Variants in GTF2I observed in about 807,000 individuals in gnomAD.
The protein encoded by GTF2I is general transcription factor IIi, also known as general transcription factor II-I.
In GTF2I, 12 loss-of-function variants were observed where a neutral mutation model predicts 67.6. The ratio of observed to expected loss-of-function variants is 0.18; its 90% CI spans 0.11 to 0.29. The LOEUF (loss-of-function observed/expected upper bound fraction) is 0.29, where lower values mean the gene tolerates loss of function less well. GTF2I is among the 10% of genes least tolerant of loss of function. The pLI, the probability that GTF2I is intolerant of heterozygous loss-of-function variation, is 1.00. For missense variants in GTF2I, 271 were observed against 580.1 expected, an observed-to-expected ratio of 0.47 and a Z score of 5.47; for synonymous variants, 149 against 197.0, an observed-to-expected ratio of 0.76 and a Z score of 2.04.
In GTF2I at chr7:74,680,099, A is replaced by AATAT. The variant is rs1554393663; in HGVS notation, c.-5-9010_-5-9007dup. Among the ~76,000 whole-genome samples, 124 of 94,916 alleles carry AATAT rather than the reference A, an allele frequency of 1.3e-3. 2 individuals carry two copies. Among genetic ancestry groups the AATAT allele is most frequent in the Non-Finnish European group, 1.8e-3 (85 of 48,434 alleles). The allele number at this position is 94,916 out of a possible 152,430, so 62.3% of individuals were successfully genotyped here. ...CATCTCAAAAAAAAAAAAAAAAAAA[A>AATAT]ATATATATATATATATATGTATGTA... On this transcript the variant is annotated intron_variant, in intron 1 of 34. Coordinates refer to ENST00000573035, the MANE Select transcript of GTF2I (RefSeq NM_032999.4).
At chr7:74,700,687 T>A in intron 6 of GTF2I, 53 bp downstream of exon 6, 2 of 1,481,980 alleles carry the variant, frequency 1.3e-6, no homozygotes, top group Non-Finnish European at 1.9e-6. Flanking sequence ...TTTTGCTAGA[T>A]TTTCATACAC....
intron 8 of GTF2I, among the ~76,000 whole-genome samples, chr7:74,710,777 A>G (rs1791441201): frequency 6.6e-6 from 1 of 152,224 alleles, no homozygotes; most frequent in South Asian, 2.1e-4. Context: ...GATTCTAAAG[A>G]TAAGAATTTG....
intron 6 of GTF2I, among the ~76,000 whole-genome samples, chr7:74,704,018 C>T (rs1790217076): frequency 6.6e-6 from 1 of 152,130 alleles, no homozygotes; most frequent in Non-Finnish European, 1.5e-5. Flanking sequence ...AGACAATTTA[C>T]CCCTTTCTTT....
chr7:74,712,845 GATT>G (rs1259394113), intron 9 of GTF2I, among the ~76,000 whole-genome samples: 17 of 151,950 alleles, frequency 1.1e-4, no homozygotes, highest in Non-Finnish European at 2.1e-4. Context: ...TACACTGTGT[GATT>G]ATAATACAGT....
chr7:74,695,369 C>T (rs1319856869), intron 3 of GTF2I, among the ~76,000 whole-genome samples: 1 of 152,144 alleles, frequency 6.6e-6, no homozygotes, highest in African/African-American at 2.4e-5. Flanking sequence ...TACAGAGAGA[C>T]CTTTCATGAA....
chr7:74,727,025 T>A (rs1389054136), intron 12 of GTF2I: 1 of 152,252 alleles, frequency 6.6e-6, no homozygotes, highest in Non-Finnish European at 1.5e-5. Flanking sequence ...TAAAGTAGCA[T>A]TCAACACATC....
chr7:74,715,040 A>G, intron 10 of GTF2I, 124 bp downstream of exon 10: 1 of 535,924 alleles, frequency 1.9e-6, no homozygotes, highest in Non-Finnish European at 3.2e-6. Flanking sequence ...AAGGAAAAAA[A>G]TGTATTGGCC....
intron 26 of GTF2I, among the ~76,000 whole-genome samples, chr7:74,750,150 A>G (rs1482194763): frequency 2.2e-5 from 2 of 91,056 alleles, no homozygotes; most frequent in African/African-American, 6.5e-5. Context: ...ATTGAAATAG[A>G]TAGGAATGGG....
chr7:74,723,705 A>G (rs1793399045), intron 12 of GTF2I, among the ~76,000 whole-genome samples: 1 of 151,980 alleles, frequency 6.6e-6, no homozygotes, highest in Non-Finnish European at 1.5e-5. Context: ...TGCTAGGATT[A>G]CAGGCATGAA....
chr7:74,723,270 C>T (rs1213876445), intron 12 of GTF2I, among the ~76,000 whole-genome samples: 2 of 151,162 alleles, frequency 1.3e-5, no homozygotes, highest in Admixed American at 1.3e-4. Flanking sequence ...GGATTATAGG[C>T]GCCCGCCACC....
At chr7:74,671,471 T>C (rs587700426) in intron 1 of GTF2I, among the ~76,000 whole-genome samples, 93 of 151,636 alleles carry the variant, frequency 6.1e-4, no homozygotes, top group Non-Finnish European at 1.0e-3. Flanking sequence ...GTCTGAAGTG[T>C]CTTGTTTTTT....
chr7:74,677,127 G>A (rs1805972262), intron 1 of GTF2I, among the ~76,000 whole-genome samples: 1 of 152,000 alleles, frequency 6.6e-6, no homozygotes, highest in Admixed American at 6.6e-5. Context: ...AAAGATTTAG[G>A]CGGCCTAAAA....
intron 1 of GTF2I, among the ~76,000 whole-genome samples, chr7:74,675,280 C>T (rs1554392036): frequency 6.6e-6 from 1 of 152,128 alleles, no homozygotes; most frequent in Non-Finnish European, 1.5e-5. Flanking sequence ...CTTCCTCATG[C>T]TTATATTGAG....
chr7:74,684,631 A>C (rs1166263017), intron 1 of GTF2I: 6 of 152,354 alleles, frequency 3.9e-5, no homozygotes, highest in African/African-American at 1.4e-4. Flanking sequence ...AGAACAGCGA[A>C]CTTCCGGTGT....
intron 21 of GTF2I, among the ~76,000 whole-genome samples, chr7:74,745,647 GT>G (rs587735859): frequency 8.3e-5 from 10 of 120,276 alleles, no homozygotes; most frequent in South Asian, 3.1e-4. Flanking sequence ...GTACACTAGT[GT>G]TTTTTTTTTC....
chr7:74,688,006 A>T (rs1192759435), intron 1 of GTF2I, among the ~76,000 whole-genome samples: 2 of 152,064 alleles, frequency 1.3e-5, no homozygotes, highest in African/African-American at 2.4e-5. Flanking sequence ...CAGTTTTAGA[A>T]ATTTGCTTTA....
At chr7:74,711,140 A>C (rs1791492267) in intron 9 of GTF2I, 31 bp downstream of exon 9, 3 of 970,822 alleles carry the variant, frequency 3.1e-6, no homozygotes, top group Non-Finnish European at 4.6e-6. Flanking sequence ...TTTTCTTTCT[A>C]AAAATTATTC....
intron 6 of GTF2I, among the ~76,000 whole-genome samples, chr7:74,704,102 A>G (rs1554400587): frequency 2.0e-5 from 3 of 152,156 alleles, no homozygotes; most frequent in African/African-American, 4.8e-5. Flanking sequence ...CATTGGTGAT[A>G]GCAGACATCA....
intron 9 of GTF2I, 82 bp from the exon 10 acceptor site, chr7:74,714,775 C>T: frequency 3.8e-6 from 3 of 781,002 alleles, no homozygotes; most frequent in Non-Finnish European, 6.3e-6. Flanking sequence ...CCATGTATCT[C>T]ACCCAAATTT....
Sources: gnomAD v4.1 joint callset for allele counts (sites outside exome capture counted in the v4.1 genomes callset) on GRCh38, gnomAD v4.1.1 for gene constraint, MANE v1.5 for transcripts, NCBI Gene and HGNC (gene_info 2026-07-23, HGNC 2026-07-21) for gene names.